Variants in CABLES1 observed in about 807,000 individuals in gnomAD.
The protein encoded by CABLES1 is CDK5 and ABL1 enzyme substrate 1.
CABLES1 carries 36 observed loss-of-function variants against 57.8 expected under a neutral mutation model. The observed-to-expected ratio is 0.62, with a 90% confidence interval of 0.48 to 0.82. CABLES1 has a LOEUF of 0.82. CABLES1 is among the 40% of genes least tolerant of loss of function. CABLES1 has a pLI of 0.00. For synonymous variants in CABLES1, 374 were observed against 363.0 expected (o/e 1.03, Z -0.35); for missense variants, 767 against 836.6 (o/e 0.92, Z 1.03).
intron 1 of CABLES1, among the ~76,000 whole-genome samples, chr18:23,175,211 T>C (rs1324926954): frequency 6.6e-6 from 1 of 152,202 alleles, no homozygotes; most frequent in Non-Finnish European, 1.5e-5. Context: ...ACAGCTACAC[T>C]GCTCTAACAG....
At chr18:23,202,781 T>C (rs112411253) in intron 3 of CABLES1, among the ~76,000 whole-genome samples, 6,762 of 151,954 alleles carry the variant, frequency 0.045, 167 homozygotes, top group Middle Eastern at 0.082. Flanking sequence ...GGTCAGGAGA[T>C]CGAGACCATC....
intron 1 of CABLES1, 33 bp downstream of exon 1, chr18:23,136,640 C>T: frequency 4.7e-6 from 6 of 1,281,002 alleles, no homozygotes; most frequent in Non-Finnish European, 4.1e-6. Flanking sequence ...GCACCCAACC[C>T]TGCGTCCCGC....
At chr18:23,209,480 T>G (rs2047388066) in intron 3 of CABLES1, among the ~76,000 whole-genome samples, 1 of 152,194 alleles carries the variant, frequency 6.6e-6, no homozygotes, top group Admixed American at 6.5e-5. Context: ...TTCCTGGGCA[T>G]GGAGGGAATG....
chr18:23,219,968 T>G (rs2047474230), intron 4 of CABLES1, among the ~76,000 whole-genome samples: 2 of 152,186 alleles, frequency 1.3e-5, no homozygotes, highest in African/African-American at 4.8e-5. Flanking sequence ...TGGGCACATT[T>G]TTTCTTGGTG....
intron 7 of CABLES1, 76 bp from the exon 8 acceptor site, chr18:23,252,884 T>G: frequency 3.3e-6 from 3 of 921,440 alleles, no homozygotes; most frequent in Non-Finnish European, 1.8e-6. Context: ...AGTTGTAAGT[T>G]GGTCGTAGTT....
intron 1 of CABLES1, among the ~76,000 whole-genome samples, chr18:23,171,097 G>C (rs536807874): frequency 1.4e-4 from 22 of 152,190 alleles, no homozygotes; most frequent in Non-Finnish European, 2.8e-4. Flanking sequence ...CGCCCGGCCT[G>C]TTCTTTCCTT....
intron 3 of CABLES1, among the ~76,000 whole-genome samples, chr18:23,210,036 G>A (rs563246589): frequency 1.3e-5 from 2 of 152,324 alleles, no homozygotes; most frequent in Non-Finnish European, 2.9e-5. Flanking sequence ...GAAAAAGAAA[G>A]CTGGACGGTG....
upstream of CABLES1, chr18:23,134,613 A>G (rs978124139): frequency 6.6e-6 from 1 of 152,224 alleles, no homozygotes; most frequent in Non-Finnish European, 1.5e-5. Context: ...GTCCCAGTTT[A>G]TGAGGGAGAA....
intron 1 of CABLES1, among the ~76,000 whole-genome samples, chr18:23,164,344 C>T (rs2047025896): frequency 6.6e-6 from 1 of 152,216 alleles, no homozygotes; most frequent in Non-Finnish European, 1.5e-5. Context: ...CAGTGCCCAT[C>T]ATCACAAGGC....
At chr18:23,251,414 G>A (rs1299563657) in intron 7 of CABLES1, among the ~76,000 whole-genome samples, 1 of 152,048 alleles carries the variant, frequency 6.6e-6, no homozygotes, top group African/African-American at 2.4e-5. Context: ...TTGCGCCACT[G>A]TACTCCAGCT....
At chr18:23,252,833 G>C in intron 7 of CABLES1, 127 bp from the exon 8 acceptor site, 1 of 624,826 alleles carries the variant, frequency 1.6e-6, no homozygotes, top group East Asian at 3.0e-5. Flanking sequence ...AGCCCTTGTT[G>C]TAGCTCCAAT....
intron 1 of CABLES1, among the ~76,000 whole-genome samples, chr18:23,142,541 AG>A (rs1467130437): frequency 6.6e-6 from 1 of 152,248 alleles, no homozygotes; most frequent in Non-Finnish European, 1.5e-5. Context: ...CAGAGTGACC[AG>A]GGGGTGACTT....
intron 1 of CABLES1, among the ~76,000 whole-genome samples, chr18:23,153,950 G>C (rs2046949370): frequency 6.6e-6 from 1 of 152,022 alleles, no homozygotes; most frequent in Admixed American, 6.6e-5. Context: ...AGAATTGCTT[G>C]TAACCAGGAG....
chr18:23,253,758 A>C lies in CABLES1; in HGVS notation c.1583A>C (p.Gln528Pro). The change falls in exon 9 of 10, where the codon CAG (glutamine) becomes CCG (proline). Residue 528 changes from glutamine to proline, a missense_variant. By Grantham distance (76) the Gln-to-Pro change is moderately conservative. Coordinates refer to ENST00000256925, the MANE Select transcript of CABLES1 (RefSeq NM_001100619.3). ...AAACGAGAGATGCGGAAGCTTGCGC[A>C]GGAGGACTGTGGCCTTGAGGAGCCC... Reference protein sequence around the residue: ...SLKREMRKLAQEDCGLEEPTV... With the variant: ...SLKREMRKLAPEDCGLEEPTV... 6.2e-7 allele frequency: 1 copy of C among 1,614,190 alleles called. No homozygotes were observed. Among genetic ancestry groups the C allele is most frequent in the Non-Finnish European group, 8.5e-7 (1 of 1,180,022 alleles).
At chr18:23,171,898 C>A (rs1231722833) in intron 1 of CABLES1, among the ~76,000 whole-genome samples, 1 of 152,210 alleles carries the variant, frequency 6.6e-6, no homozygotes, top group Non-Finnish European at 1.5e-5. Flanking sequence ...CTACCATGAG[C>A]CACCTAGAAC....
intron 7 of CABLES1, among the ~76,000 whole-genome samples, chr18:23,243,655 C>T (rs1172049328): frequency 4.6e-5 from 7 of 151,636 alleles, no homozygotes; most frequent in Admixed American, 2.0e-4. Flanking sequence ...GGTGGATCAC[C>T]TGAGGTCAGG....
intron 1 of CABLES1, among the ~76,000 whole-genome samples, chr18:23,151,925 C>T (rs1050211341): frequency 3.7e-4 from 56 of 151,966 alleles, no homozygotes; most frequent in African/African-American, 1.1e-3. Context: ...GGTAGCGAAG[C>T]GGGTGGAGAG....
intron 7 of CABLES1, among the ~76,000 whole-genome samples, chr18:23,245,119 A>G (rs1273093953): frequency 6.6e-6 from 1 of 152,140 alleles, no homozygotes; most frequent in African/African-American, 2.4e-5. Context: ...TTCACTTCAC[A>G]GCATTGTTAC....
chr18:23,249,242 T>C (rs765211319), intron 7 of CABLES1, among the ~76,000 whole-genome samples: 4 of 152,138 alleles, frequency 2.6e-5, no homozygotes, highest in Non-Finnish European at 5.9e-5. Flanking sequence ...GTCAGGGAAG[T>C]GTAACTGTTA....
Sources: allele counts gnomAD v4.1 joint callset (sites outside exome capture counted in the v4.1 genomes callset), GRCh38; gene constraint gnomAD v4.1.1; transcripts MANE v1.5; gene names NCBI Gene and HGNC (gene_info 2026-07-23, HGNC 2026-07-21).